PTPRD: variants seen among roughly 807,000 people sequenced by gnomAD.
PTPRD encodes the protein receptor-type tyrosine-protein phosphatase delta.
A neutral mutation model predicts 214.5 loss-of-function variants in PTPRD; 34 were observed. That is an observed-to-expected ratio of 0.16 (90% confidence interval 0.12 to 0.21). The LOEUF (loss-of-function observed/expected upper bound fraction) is 0.21, where lower values mean the gene tolerates loss of function less well. Ranked by LOEUF, PTPRD falls within the 10% of genes least tolerant of loss-of-function variation. The pLI, the probability that PTPRD is intolerant of heterozygous loss-of-function variation, is 1.00. For synonymous variants in PTPRD, 1,128 were observed against 845.7 expected (o/e 1.33, Z -5.79); for missense variants, 2,545 against 2,398.7 (o/e 1.06, Z -1.27).
chr9:10,077,417 T>C (rs1169615787), intron 3 of PTPRD, among the ~76,000 whole-genome samples: 1 of 152,172 alleles, frequency 6.6e-6, no homozygotes, highest in Non-Finnish European at 1.5e-5. Flanking sequence ...TTTTCAAATT[T>C]ACCTCTAGAG....
intron 7 of PTPRD, among the ~76,000 whole-genome samples, chr9:9,711,198 G>T (rs895205059): frequency 6.6e-6 from 1 of 152,064 alleles, no homozygotes; most frequent in African/African-American, 2.4e-5. Context: ...TATTAGAAGT[G>T]ATTTAAGTGC....
At chr9:9,606,849 T>C (rs1351805340) in intron 7 of PTPRD, among the ~76,000 whole-genome samples, 1 of 151,290 alleles carries the variant, frequency 6.6e-6, no homozygotes, top group Non-Finnish European at 1.5e-5. Context: ...TGTCTGACTA[T>C]CCTCCAAGCA....
intron 8 of PTPRD, among the ~76,000 whole-genome samples, chr9:9,432,770 A>C (rs1023027040): frequency 2.6e-5 from 4 of 152,248 alleles, no homozygotes; most frequent in Non-Finnish European, 5.9e-5. Context: ...TAAGAAAAGA[A>C]TAAGCCCTCA....
chr9:8,589,084 A>G lies in PTPRD; in HGVS notation c.352+44233T>C, dbSNP rs147174717. ...CTCTATAGAAAATTTTGAGTGATAT[A>G]TAAGTATATACCATCAACATTATTC... On this transcript the variant is annotated intron_variant, in intron 14 of 45. Transcript: ENST00000381196. Among the ~76,000 whole-genome samples the G allele has an allele frequency of 1.6e-3, 246 of 152,364 alleles. 1 individual carries two copies. The highest frequency in any genetic ancestry group is 5.6e-3 in the African/African-American group (234 of 41,598).
At chr9:10,362,755 C>A (rs2097421401) in intron 2 of PTPRD, among the ~76,000 whole-genome samples, 1 of 152,122 alleles carries the variant, frequency 6.6e-6, no homozygotes, top group African/African-American at 2.4e-5. Context: ...TGTCACGTGC[C>A]TGTAATCCCA....
intron 3 of PTPRD, among the ~76,000 whole-genome samples, chr9:10,060,472 C>T (rs1034950795): frequency 9.2e-5 from 14 of 152,080 alleles, no homozygotes; most frequent in African/African-American, 2.9e-4. Context: ...TGTAAAATTA[C>T]GAAAACCCTA....
intron 3 of PTPRD, among the ~76,000 whole-genome samples, chr9:10,178,116 G>C (rs1032818106): frequency 6.6e-6 from 1 of 151,858 alleles, no homozygotes. Flanking sequence ...GTAAGGACTG[G>C]TTGTCCACCA....
chr9:8,910,764 C>T (rs1039257954), intron 11 of PTPRD, among the ~76,000 whole-genome samples: 4 of 152,054 alleles, frequency 2.6e-5, no homozygotes, highest in Admixed American at 1.3e-4. Context: ...ATCAAGATTA[C>T]GTAATATAAA....
At position 8,359,121 on chromosome 9, in the gene PTPRD, AACAAAAAAAAAAAAAAAC is replaced by A. The variant is rs1564252573; in HGVS notation, c.4661+16797_4661+16814del. 2.2e-3 allele frequency among the ~76,000 whole-genome samples: 58 copies of A among 26,566 alleles called. 11 individuals carry two copies. Among genetic ancestry groups the A allele is most frequent in the African/African-American group, 6.2e-3 (54 of 8,674 alleles). The allele number at this position is 26,566 out of a possible 152,430, so 17.4% of individuals were successfully genotyped here. A position where few individuals can be genotyped will look rare whatever the true frequency, so the allele number is the denominator to read the frequency against. Reference sequence around the variant, plus strand: ...AGACTCCGTCTCAAAAAAAAAAAAAAACAAAAAAAAAAAAAAACAAAAAAAAATTGAATCAGATTTTAG... The same window carrying A: ...AGACTCCGTCTCAAAAAAAAAAAAAAAAAAAAAAATTGAATCAGATTTTAG... On this transcript the variant is annotated intron_variant, in intron 39 of 45. Transcript: ENST00000381196.
intron 11 of PTPRD, among the ~76,000 whole-genome samples, chr9:8,779,274 C>A (rs1332207109): frequency 1.3e-5 from 2 of 152,154 alleles, no homozygotes; most frequent in Admixed American, 6.5e-5. Flanking sequence ...TCTCCCTTTC[C>A]AGTTCTTTTC....
At chr9:9,369,478 T>G (rs138901373) in intron 9 of PTPRD, among the ~76,000 whole-genome samples, 1 of 152,114 alleles carries the variant, frequency 6.6e-6, no homozygotes, top group African/African-American at 2.4e-5. Flanking sequence ...TCTTGTAAAT[T>G]TGTTGGAGTT....
chr9:9,291,262 G>A (rs374225364), intron 9 of PTPRD, among the ~76,000 whole-genome samples: 1 of 151,400 alleles, frequency 6.6e-6, no homozygotes, highest in African/African-American at 2.4e-5. Context: ...GCCTTTAGAA[G>A]AGAAACCTTA....
At chr9:10,581,604 T>C (rs117528341) in intron 2 of PTPRD, among the ~76,000 whole-genome samples, 1,604 of 152,292 alleles carry the variant, frequency 0.011, 9 homozygotes, top group Non-Finnish European at 0.016. Context: ...AGGAATCAAA[T>C]TAATGCCAGT....
intron 11 of PTPRD, among the ~76,000 whole-genome samples, chr9:8,798,261 G>C (rs1343467623): frequency 6.6e-6 from 1 of 151,892 alleles, no homozygotes; most frequent in African/African-American, 2.4e-5. Flanking sequence ...GATCATATAG[G>C]GTAAATCCTA....
chr9:8,679,754 T>C (rs1056666675), intron 12 of PTPRD, among the ~76,000 whole-genome samples: 2 of 152,218 alleles, frequency 1.3e-5, no homozygotes, highest in Non-Finnish European at 2.9e-5. Context: ...TTGTTCTCCA[T>C]TCCCTCTGTG....
At chr9:9,555,356 A>G (rs528069129) in intron 8 of PTPRD, among the ~76,000 whole-genome samples, 1 of 152,070 alleles carries the variant, frequency 6.6e-6, no homozygotes. Context: ...AACATCACAC[A>G]TTATTGACTG....
intron 9 of PTPRD, among the ~76,000 whole-genome samples, chr9:9,230,328 G>C (rs1314912660): frequency 6.6e-6 from 1 of 152,098 alleles, no homozygotes; most frequent in Non-Finnish European, 1.5e-5. Flanking sequence ...TTCCAGGCTG[G>C]TGAACATATC....
chr9:9,131,199 G>A (rs1227167132), intron 10 of PTPRD, among the ~76,000 whole-genome samples: 1 of 152,148 alleles, frequency 6.6e-6, no homozygotes, highest in Non-Finnish European at 1.5e-5. Context: ...CCTTTGCATT[G>A]TCTCTGCTCT....
At chr9:9,138,888 C>A (rs1422024037) in intron 10 of PTPRD, among the ~76,000 whole-genome samples, 1 of 152,032 alleles carries the variant, frequency 6.6e-6, no homozygotes, top group Non-Finnish European at 1.5e-5. Context: ...ACAGTTTTTA[C>A]ACAATTAATG....
Sources: allele counts gnomAD v4.1 joint callset (sites outside exome capture counted in the v4.1 genomes callset), GRCh38; gene constraint gnomAD v4.1.1; transcripts MANE v1.5; gene names NCBI Gene and HGNC (gene_info 2026-07-23, HGNC 2026-07-21).